STRBP: variants seen among roughly 807,000 people sequenced by gnomAD.
The protein encoded by STRBP is spermatid perinuclear RNA binding protein.
A neutral mutation model predicts 80.1 loss-of-function variants in STRBP; 13 were observed. That is an observed-to-expected ratio of 0.16 (90% CI 0.11 to 0.26). STRBP has a LOEUF of 0.26. STRBP is among the 10% of genes least tolerant of loss of function. The pLI is 1.00. For missense variants in STRBP, 485 were observed against 815.2 expected (o/e 0.59, Z 4.93); for synonymous variants, 284 against 291.2 (o/e 0.98, Z 0.25).
chr9:123,229,044 C>A (rs920193846), intron 2 of STRBP, among the ~76,000 whole-genome samples: 1 of 152,104 alleles, frequency 6.6e-6, no homozygotes, highest in African/African-American at 2.4e-5. Context: ...TACGCATGAA[C>A]CTTGAAAACA....
intron 1 of STRBP, among the ~76,000 whole-genome samples, chr9:123,256,653 G>A (rs1489120687): frequency 1.3e-5 from 2 of 152,022 alleles, no homozygotes; most frequent in African/African-American, 4.8e-5. Context: ...AATGCAGATG[G>A]CCAGAGCCTA....
At chr9:123,180,551 T>G (rs2038414077) in intron 3 of STRBP, among the ~76,000 whole-genome samples, 1 of 152,220 alleles carries the variant, frequency 6.6e-6, no homozygotes, top group Admixed American at 6.5e-5. Flanking sequence ...TAAAGCTCAT[T>G]TGGGGAAAAA....
intron 1 of STRBP, among the ~76,000 whole-genome samples, chr9:123,263,538 A>AG (rs1275090764): frequency 6.6e-6 from 1 of 151,660 alleles, no homozygotes; most frequent in Non-Finnish European, 1.5e-5. Context: ...AAAAAAAAAA[A>AG]AAAAAAAAGG....
chr9:123,198,770 T>C (rs910452690), intron 2 of STRBP, among the ~76,000 whole-genome samples: 10 of 152,220 alleles, frequency 6.6e-5, no homozygotes, highest in Non-Finnish European at 1.3e-4. Flanking sequence ...TTTTTGTATA[T>C]AGTGAGAGAT....
At chr9:123,230,089 G>A (rs1478182105) in intron 2 of STRBP, among the ~76,000 whole-genome samples, 1 of 152,116 alleles carries the variant, frequency 6.6e-6, no homozygotes, top group Non-Finnish European at 1.5e-5. Flanking sequence ...AATGACTATG[G>A]AATTTAAGCT....
chr9:123,156,842 T>C (rs1437901629), intron 11 of STRBP, among the ~76,000 whole-genome samples: 1 of 152,048 alleles, frequency 6.6e-6, no homozygotes, highest in Non-Finnish European at 1.5e-5. Context: ...ATTTCCATTG[T>C]TAGAGGTAGG....
At chr9:123,160,913 GC>G in intron 7 of STRBP, 63 bp downstream of exon 7, 1 of 1,313,332 alleles carries the variant, frequency 7.6e-7, no homozygotes, top group Non-Finnish European at 1.1e-6. Flanking sequence ...CAATTAAGTG[GC>G]AGGTGTTCCA....
intron 1 of STRBP, among the ~76,000 whole-genome samples, chr9:123,254,057 GA>G (rs139900116): frequency 1.3e-5 from 2 of 151,834 alleles, no homozygotes; most frequent in African/African-American, 4.8e-5. Context: ...GAACGAGGGG[GA>G]AAAAATCTTA....
intron 11 of STRBP, among the ~76,000 whole-genome samples, chr9:123,150,309 A>G (rs2132362337): frequency 6.6e-6 from 1 of 152,268 alleles, no homozygotes; most frequent in South Asian, 2.1e-4. Flanking sequence ...GAGAGAGTAA[A>G]TAAGTCAAAA....
At position 123,125,254 on chromosome 9, in the gene STRBP, G is replaced by A; in HGVS notation, c.*343C>T. The A allele has an allele frequency of 9.9e-7, 1 of 1,009,750 alleles. No individual in the cohort carries two copies. Among genetic ancestry groups the A allele is most frequent in the Non-Finnish European group, 1.2e-6 (1 of 845,520 alleles). 62.5% of individuals were successfully genotyped at this position (1,009,750 alleles called of 1,614,324 possible). On this transcript the variant is annotated 3_prime_UTR_variant, in exon 19 of 19. Coordinates refer to ENST00000348403, the MANE Select transcript of STRBP (RefSeq NM_018387.5). ...AGCAGTTTATTTGTGATCAGTGTTTGAGACTCTATACATCCTTCACAAATT... is the reference window on the plus strand; with the variant it reads ...AGCAGTTTATTTGTGATCAGTGTTTAAGACTCTATACATCCTTCACAAATT...
downstream of STRBP, among the ~76,000 whole-genome samples, chr9:123,119,690 G>A (rs115511247): frequency 9.1e-3 from 1,391 of 152,136 alleles, 23 homozygotes; most frequent in African/African-American, 0.032. Context: ...CCCTCCTCAC[G>A]TTCATCCTCA....
intron 1 of STRBP, among the ~76,000 whole-genome samples, chr9:123,247,945 C>T (rs2040832102): frequency 6.6e-6 from 1 of 152,002 alleles, no homozygotes; most frequent in East Asian, 1.9e-4. Flanking sequence ...CCATGAGTGC[C>T]TTCTATTGCT....
intron 16 of STRBP, among the ~76,000 whole-genome samples, chr9:123,134,952 A>G (rs1438268459): frequency 6.6e-6 from 1 of 152,248 alleles, no homozygotes; most frequent in East Asian, 1.9e-4. Context: ...TCTCATTAAA[A>G]TAAGTTTTCT....
intron 2 of STRBP, among the ~76,000 whole-genome samples, chr9:123,218,051 T>C (rs2900212): frequency 0.32 from 47,969 of 152,098 alleles, 10,883 homozygotes; most frequent in East Asian, 0.69. Flanking sequence ...ACAATGCCCA[T>C]AGATAATGTT....
rs111517950 is a variant in STRBP at position 123,210,128 on chromosome 9, T to A, written c.-164-25830A>T. On this transcript the variant is annotated intron_variant, in intron 2 of 18. Transcript: ENST00000348403. ...CCTGTTCTTTCATTTTCTTAAACTA[T>A]CTTCTTCATCTATTCTACCACTGCA... 4.0e-3 allele frequency among the ~76,000 whole-genome samples: 608 copies of A among 152,346 alleles called. 9 individuals are homozygous for A. The highest frequency in any genetic ancestry group is 0.014 in the African/African-American group (573 of 41,580).
chr9:123,248,839 C>T (rs901508571), intron 1 of STRBP, among the ~76,000 whole-genome samples: 2 of 152,148 alleles, frequency 1.3e-5, no homozygotes, highest in Non-Finnish European at 2.9e-5. Flanking sequence ...CATCTTTTTA[C>T]AAGGTTATAT....
intron 11 of STRBP, among the ~76,000 whole-genome samples, chr9:123,156,620 CAT>C (rs1264262040): frequency 6.7e-6 from 1 of 149,462 alleles, no homozygotes; most frequent in East Asian, 2.0e-4. Context: ...GATCTCATCA[CAT>C]GTCACATGTA....
intron 8 of STRBP, among the ~76,000 whole-genome samples, chr9:123,159,412 T>C (rs1458986054): frequency 6.6e-6 from 1 of 152,312 alleles, no homozygotes; most frequent in East Asian, 1.9e-4. Context: ...GATCGTATCT[T>C]CAGAAGACAT....
chr9:123,240,239 A>G (rs534422194), intron 1 of STRBP, among the ~76,000 whole-genome samples: 31 of 152,308 alleles, frequency 2.0e-4, no homozygotes, highest in African/African-American at 7.0e-4. Flanking sequence ...ATTATGCTAG[A>G]CCCAGAGTAG....
Sources: gnomAD v4.1 joint callset for allele counts (sites outside exome capture counted in the v4.1 genomes callset) on GRCh38, gnomAD v4.1.1 for gene constraint, MANE v1.5 for transcripts, NCBI Gene and HGNC (gene_info 2026-07-23, HGNC 2026-07-21) for gene names.